Variants in ADAMTSL1 observed in about 807,000 individuals in gnomAD.
ADAMTSL1 encodes the protein ADAMTS-like protein 1.
In ADAMTSL1, 126 loss-of-function variants were observed where a neutral mutation model predicts 201.8. The ratio of observed to expected loss-of-function variants is 0.62; its 90% CI spans 0.54 to 0.72. The LOEUF (loss-of-function observed/expected upper bound fraction) is 0.72, where lower values mean the gene tolerates loss of function less well. ADAMTSL1 is among the 30% of genes least tolerant of loss of function. The pLI, the probability that ADAMTSL1 is intolerant of heterozygous loss-of-function variation, is 0.00. For missense variants in ADAMTSL1, 2,679 were observed against 2,277.8 expected (o/e 1.18, Z -3.59); for synonymous variants, 1,121 against 903.4 (o/e 1.24, Z -4.32).
At chr9:18,228,648 G>T (rs980842342) in intron 2 of ADAMTSL1, among the ~76,000 whole-genome samples, 1 of 151,986 alleles carries the variant, frequency 6.6e-6, no homozygotes, top group Non-Finnish European at 1.5e-5. Context: ...TTGAACTCCC[G>T]GCCTCAAGTG....
intron 15 of ADAMTSL1, among the ~76,000 whole-genome samples, chr9:18,740,900 G>A (rs748759951): frequency 6.6e-6 from 1 of 152,026 alleles, no homozygotes; most frequent in Non-Finnish European, 1.5e-5. Context: ...CCTTTGCCTG[G>A]CTACCACTTA....
chr9:18,182,777 AGGTTACATGCTTTGTAG>A (rs1828558789), intron 2 of ADAMTSL1, among the ~76,000 whole-genome samples: 1 of 152,206 alleles, frequency 6.6e-6, no homozygotes, highest in Non-Finnish European at 1.5e-5. Flanking sequence ...CACCTTATCA[AGGTTACATGCTTTGTAG>A]GTAGTAGAAT....
chr9:18,865,138 C>T (rs1228071501), intron 23 of ADAMTSL1, among the ~76,000 whole-genome samples: 3 of 152,074 alleles, frequency 2.0e-5, no homozygotes, highest in Admixed American at 6.5e-5. Flanking sequence ...GTGCTGCACC[C>T]ATTAACTCGT....
At chr9:18,770,149 C>T (rs1820608573) in intron 16 of ADAMTSL1, among the ~76,000 whole-genome samples, 1 of 152,162 alleles carries the variant, frequency 6.6e-6, no homozygotes, top group Non-Finnish European at 1.5e-5. Flanking sequence ...AGAGTGCCTT[C>T]ACTTAGAGAA....
At chr9:18,538,797 AG>A (rs1396779046) in intron 3 of ADAMTSL1, among the ~76,000 whole-genome samples, 1 of 152,178 alleles carries the variant, frequency 6.6e-6, no homozygotes, top group Non-Finnish European at 1.5e-5. Context: ...TTTTCTCATA[AG>A]GCCTTTGTAT....
At chr9:18,593,073 G>A (rs1270101840) in intron 4 of ADAMTSL1, among the ~76,000 whole-genome samples, 5 of 151,966 alleles carry the variant, frequency 3.3e-5, no homozygotes, top group Admixed American at 3.3e-4. Context: ...TTTTGTATCT[G>A]GCAACTTTGC....
chr9:18,202,160 A>T (rs1370995507), intron 2 of ADAMTSL1, among the ~76,000 whole-genome samples: 2 of 152,180 alleles, frequency 1.3e-5, no homozygotes, highest in Admixed American at 1.3e-4. Flanking sequence ...GACAAACACA[A>T]AGTCACAGGG....
At chr9:17,957,210 C>A (rs1827966015) in intron 1 of ADAMTSL1, among the ~76,000 whole-genome samples, 1 of 152,004 alleles carries the variant, frequency 6.6e-6, no homozygotes, top group Admixed American at 6.6e-5. Context: ...ACTCACAAAC[C>A]CACGTACCCT....
chr9:18,243,367 T>C (rs959450762), intron 2 of ADAMTSL1, among the ~76,000 whole-genome samples: 1 of 152,146 alleles, frequency 6.6e-6, no homozygotes, highest in African/African-American at 2.4e-5. Flanking sequence ...ATCAGCTCAC[T>C]CCATTACAGA....
intron 1 of ADAMTSL1, among the ~76,000 whole-genome samples, chr9:17,945,863 G>A (rs1827447183): frequency 6.6e-6 from 1 of 150,708 alleles, no homozygotes; most frequent in Non-Finnish European, 1.5e-5. Flanking sequence ...TATACCTAAT[G>A]CTAAATGACG....
intron 19 of ADAMTSL1, among the ~76,000 whole-genome samples, chr9:18,794,703 A>T (rs72690573): frequency 0.14 from 21,109 of 151,206 alleles, 1,757 homozygotes; most frequent in Admixed American, 0.24. Flanking sequence ...GGGCAATCTC[A>T]GCCCACTACA....
At chr9:18,419,834 A>T (rs1818860714) in intron 2 of ADAMTSL1, among the ~76,000 whole-genome samples, 1 of 147,772 alleles carries the variant, frequency 6.8e-6, no homozygotes. Context: ...GGTTCAAGCT[A>T]TTCTCCTGCC....
At chr9:18,113,729 G>T (rs888274010) in intron 1 of ADAMTSL1, among the ~76,000 whole-genome samples, 1 of 152,080 alleles carries the variant, frequency 6.6e-6, no homozygotes, top group African/African-American at 2.4e-5. Flanking sequence ...GACAGTCACT[G>T]TTCTGAGGAC....
At chr9:18,355,930 A>G (rs1036994316) in intron 2 of ADAMTSL1, among the ~76,000 whole-genome samples, 5 of 152,216 alleles carry the variant, frequency 3.3e-5, no homozygotes, top group Non-Finnish European at 7.3e-5. Flanking sequence ...ACCTGCAGCC[A>G]GTGACGCCCT....
chr9:18,907,154 G>A (rs755660534), intron 28 of ADAMTSL1: 5 of 531,568 alleles, frequency 9.4e-6, no homozygotes, highest in South Asian at 2.3e-5. Flanking sequence ...AGAGAGCCAG[G>A]TGCTATTGGC....
chr9:18,629,065 C>G (rs1826576368), intron 5 of ADAMTSL1, among the ~76,000 whole-genome samples: 1 of 152,092 alleles, frequency 6.6e-6, no homozygotes, highest in Non-Finnish European at 1.5e-5. Context: ...TTATATATTC[C>G]TAGTTCACAG....
At chr9:18,805,371 T>A (rs1439534749) in intron 20 of ADAMTSL1, among the ~76,000 whole-genome samples, 1 of 152,122 alleles carries the variant, frequency 6.6e-6, no homozygotes, top group Non-Finnish European at 1.5e-5. Flanking sequence ...TCCTCTTTCT[T>A]TTCTTTAACG....
intron 1 of ADAMTSL1, among the ~76,000 whole-genome samples, chr9:17,976,854 A>T (rs1818472366): frequency 6.6e-6 from 1 of 151,670 alleles, no homozygotes; most frequent in South Asian, 2.1e-4. Flanking sequence ...TGCTCGGGCT[A>T]TGACTATCAA....
chr9:18,388,939 T>C (rs1220354562), intron 2 of ADAMTSL1, among the ~76,000 whole-genome samples: 1 of 151,980 alleles, frequency 6.6e-6, no homozygotes, highest in Non-Finnish European at 1.5e-5. Flanking sequence ...GTACTTCTAG[T>C]AGAGACGGGG....
Sources: allele counts gnomAD v4.1 joint callset (sites outside exome capture counted in the v4.1 genomes callset), GRCh38; gene constraint gnomAD v4.1.1; transcripts MANE v1.5; gene names NCBI Gene and HGNC (gene_info 2026-07-23, HGNC 2026-07-21).